Variants in ROBO2 observed in about 807,000 individuals in gnomAD.
ROBO2 encodes roundabout homolog 2.
ROBO2 carries 53 observed loss-of-function variants against 160.8 expected under a neutral mutation model. The ratio of observed to expected loss-of-function variants is 0.33; its 90% confidence interval spans 0.26 to 0.41. The LOEUF (loss-of-function observed/expected upper bound fraction) is 0.41, where lower values mean the gene tolerates loss of function less well. ROBO2 is among the 10% of genes least tolerant of loss of function. The pLI is 1.00. For synonymous variants in ROBO2, 664 were observed against 611.7 expected (o/e 1.09, Z -1.26); for missense variants, 1,577 against 1,722.4 (o/e 0.92, Z 1.49).
At chr3:77,479,137 C>T (rs2084377220) in intron 3 of ROBO2, among the ~76,000 whole-genome samples, 2 of 152,134 alleles carry the variant, frequency 1.3e-5, no homozygotes, top group South Asian at 4.1e-4. Flanking sequence ...AACAAATAGA[C>T]AAAGTTCCTC....
chr3:77,032,743 A>C (rs182249069), intron 2 of ROBO2, among the ~76,000 whole-genome samples: 13 of 152,298 alleles, frequency 8.5e-5, no homozygotes, highest in African/African-American at 3.1e-4. Flanking sequence ...CCTGAAATTC[A>C]TGCATTTTAT....
intron 1 of ROBO2, among the ~76,000 whole-genome samples, chr3:77,048,417 G>A (rs938681215): frequency 1.3e-5 from 2 of 152,130 alleles, no homozygotes; most frequent in African/African-American, 2.4e-5. Context: ...AGTGAAAGGT[G>A]CGACGAATGA....
At chr3:77,142,624 C>G (rs1258235155) in intron 2 of ROBO2, among the ~76,000 whole-genome samples, 1 of 152,192 alleles carries the variant, frequency 6.6e-6, no homozygotes, top group Non-Finnish European at 1.5e-5. Context: ...GCAGGCAAAT[C>G]AATACGCGGT....
intron 20 of ROBO2, among the ~76,000 whole-genome samples, 197 bp downstream of exon 21, chr3:77,602,688 A>ACCG (rs1374063503): frequency 7.5e-4 from 64 of 85,734 alleles, no homozygotes; most frequent in Middle Eastern, 4.8e-3. Flanking sequence ...CACCACCACC[A>ACCG]CCGCCGCCGC....
intron 2 of ROBO2, among the ~76,000 whole-genome samples, chr3:77,108,502 T>G (rs1579046702): frequency 6.6e-6 from 1 of 152,076 alleles, no homozygotes; most frequent in East Asian, 1.9e-4. Context: ...TAAATCAATG[T>G]TTAAACATCT....
At chr3:76,719,883 CA>C (rs58861850) in intron 2 of ROBO2, among the ~76,000 whole-genome samples, 64,197 of 129,832 alleles carry the variant, frequency 0.49, 14,609 homozygotes, top group East Asian at 0.66. Flanking sequence ...GACTGTGTCT[CA>C]AAAAAAAAAA....
At chr3:77,261,407 T>C (rs894437168) in intron 2 of ROBO2, among the ~76,000 whole-genome samples, 1 of 152,158 alleles carries the variant, frequency 6.6e-6, no homozygotes, top group African/African-American at 2.4e-5. Flanking sequence ...AGGCTGAGGA[T>C]AGACCTTTTA....
intron 2 of ROBO2, among the ~76,000 whole-genome samples, chr3:77,386,029 T>A (rs1336511854): frequency 6.6e-6 from 1 of 152,242 alleles, no homozygotes; most frequent in East Asian, 1.9e-4. Flanking sequence ...ACTATTCTAA[T>A]AATAACTAAT....
rs188525402 is a variant in ROBO2 at position 76,605,270 on chromosome 3, T to C, written c.110-492744T>C. ...TTTATTAAAGTTTCAGATGAAGACA[T>C]TAAAGACATAGATCAGATATGTAGA... On this transcript the variant is annotated intron_variant, in intron 2 of 26. Coordinates refer to the ROBO2 transcript ENST00000487694. Among the ~76,000 whole-genome samples the C allele has an allele frequency of 2.9e-3, 437 of 152,188 alleles. 2 individuals carry two copies. The highest frequency in any genetic ancestry group is 9.9e-3 in the African/African-American group (413 of 41,534).
intron 2 of ROBO2, among the ~76,000 whole-genome samples, chr3:76,003,820 A>G (rs1329766747): frequency 2.0e-5 from 3 of 152,206 alleles, no homozygotes; most frequent in Non-Finnish European, 1.5e-5. Flanking sequence ...CCAGTGGCAA[A>G]TAAGCACTGA....
At chr3:77,028,910 TC>T (rs1340638562) in intron 2 of ROBO2, among the ~76,000 whole-genome samples, 2 of 152,190 alleles carry the variant, frequency 1.3e-5, no homozygotes, top group Non-Finnish European at 2.9e-5. Context: ...TTCTTTCCAA[TC>T]CCTGTTGTTC....
chr3:77,641,020 A>G (rs1353109707), intron 24 of ROBO2, among the ~76,000 whole-genome samples: 1 of 152,202 alleles, frequency 6.6e-6, no homozygotes, highest in East Asian at 1.9e-4. Context: ...AAAATACAAT[A>G]ATTTCTCCTC....
chr3:77,469,285 T>C (rs1394008896), intron 2 of ROBO2, among the ~76,000 whole-genome samples: 1 of 152,204 alleles, frequency 6.6e-6, no homozygotes, highest in Admixed American at 6.5e-5. Context: ...CAGATTTTTT[T>C]ACACTTTGTA....
intron 2 of ROBO2, among the ~76,000 whole-genome samples, chr3:77,381,479 G>A (rs6768736): frequency 0.51 from 77,241 of 151,948 alleles, 19,744 homozygotes; most frequent in Admixed American, 0.57. Context: ...AATGCAAGAC[G>A]GTTTTTAACA....
At chr3:76,198,609 T>A (rs573560664) in intron 2 of ROBO2, among the ~76,000 whole-genome samples, 1 of 152,294 alleles carries the variant, frequency 6.6e-6, no homozygotes, top group East Asian at 1.9e-4. Context: ...CCTGAATAAA[T>A]TAGCTGACAC....
intron 2 of ROBO2, among the ~76,000 whole-genome samples, chr3:75,963,231 C>T (rs991577601): frequency 4.0e-5 from 6 of 151,650 alleles, no homozygotes; most frequent in South Asian, 2.1e-4. Context: ...TCTGTCACCC[C>T]GGGTGGAGTG....
intron 2 of ROBO2, among the ~76,000 whole-genome samples, chr3:77,305,311 T>C (rs1249219490): frequency 2.0e-5 from 3 of 152,262 alleles, no homozygotes; most frequent in African/African-American, 7.2e-5. Flanking sequence ...GGATTTCAAC[T>C]GCCCTTTTGG....
intron 17 of ROBO2, among the ~76,000 whole-genome samples, chr3:77,590,753 T>C (rs934587737): frequency 6.6e-6 from 1 of 152,162 alleles, no homozygotes; most frequent in Non-Finnish European, 1.5e-5. Flanking sequence ...AGTTGGTAAG[T>C]TTATACTGTT....
intron 2 of ROBO2, among the ~76,000 whole-genome samples, chr3:76,085,263 C>A (rs1363009280): frequency 6.6e-6 from 1 of 152,032 alleles, no homozygotes; most frequent in East Asian, 1.9e-4. Flanking sequence ...TCAAAGACAC[C>A]TTTAACAAAT....
Sources: gnomAD v4.1 joint callset for allele counts (sites outside exome capture counted in the v4.1 genomes callset) on GRCh38, gnomAD v4.1.1 for gene constraint, MANE v1.5 for transcripts, NCBI Gene and HGNC (gene_info 2026-07-23, HGNC 2026-07-21) for gene names.